The following PDZD2 variants were observed in gnomAD, a reference collection of about 807,000 sequenced individuals.
PDZD2 encodes PDZ domain-containing protein 2.
A neutral mutation model predicts 220.7 loss-of-function variants in PDZD2; 90 were observed. The ratio of observed to expected loss-of-function variants is 0.41; its 90% CI spans 0.34 to 0.49. PDZD2 has a LOEUF of 0.49. Among genes scored for constraint, PDZD2 ranks in the 20% least tolerant of loss-of-function variants. The pLI, the probability that PDZD2 is intolerant of heterozygous loss-of-function variation, is 0.28. For synonymous variants in PDZD2, 1,375 were observed against 1,450.5 expected (o/e 0.95, Z 1.18); for missense variants, 3,174 against 3,608.5 (o/e 0.88, Z 3.08).
chr5:31,903,637 C>A (rs1389385708), intron 2 of PDZD2, among the ~76,000 whole-genome samples: 2 of 113,638 alleles, frequency 1.8e-5, no homozygotes, highest in Non-Finnish European at 1.8e-5. Context: ...AGAGTGAGAC[C>A]CTGTCTCAAA....
intron 20 of PDZD2, 25 bp from the exon 21 acceptor site, chr5:32,092,882 C>T: frequency 8.5e-7 from 1 of 1,177,138 alleles, no homozygotes; most frequent in Non-Finnish European, 1.2e-6. Context: ...CTTTAATGTT[C>T]TTCAAATATA....
chr5:31,864,107 A>G (rs1036624670), intron 2 of PDZD2, among the ~76,000 whole-genome samples: 1 of 152,136 alleles, frequency 6.6e-6, no homozygotes, highest in Non-Finnish European at 1.5e-5. Context: ...AGGGGATCAG[A>G]GGAGGAGGAA....
chr5:31,732,891 G>A (rs777910913), intron 1 of PDZD2, among the ~76,000 whole-genome samples: 23 of 152,050 alleles, frequency 1.5e-4, no homozygotes, highest in East Asian at 3.9e-4. Context: ...ACCACGCTCC[G>A]CTAATTTTTG....
At chr5:31,883,764 G>A (rs1029423563) in intron 2 of PDZD2, among the ~76,000 whole-genome samples, 1 of 151,966 alleles carries the variant, frequency 6.6e-6, no homozygotes, top group Non-Finnish European at 1.5e-5. Context: ...ACCATGCGGG[G>A]CTAATTTTTG....
At chr5:32,022,185 G>GTTTTTTTTTT (rs145876120) in intron 6 of PDZD2, among the ~76,000 whole-genome samples, 18 of 135,636 alleles carry the variant, frequency 1.3e-4, no homozygotes, top group South Asian at 6.8e-4. Flanking sequence ...TTGTTTTTTT[G>GTTTTTTTTTT]TTTTTTTGTT....
rs571579067 is a variant in PDZD2 at position 31,901,307 on chromosome 5, A to C, written c.477-81848A>C. ...GTGGCATGTGCCTGTAATCCCACCT[A>C]CCCAGGAGGCTGAGGCGCAAGAATC... On this transcript the variant is annotated intron_variant, in intron 2 of 24. Coordinates refer to ENST00000438447, the MANE Select transcript of PDZD2 (RefSeq NM_178140.4). Among the ~76,000 whole-genome samples the C allele has an allele frequency of 5.3e-5, 8 of 152,024 alleles. No homozygotes were observed. The South Asian group carries it at 1.7e-3, about 32-fold the overall frequency.
intron 7 of PDZD2, among the ~76,000 whole-genome samples, chr5:32,040,177 C>T (rs1455084406): frequency 2.7e-5 from 4 of 150,464 alleles, no homozygotes; most frequent in African/African-American, 9.8e-5. Flanking sequence ...CCGGCTGCCC[C>T]ATCTGGGAGA....
intron 2 of PDZD2, among the ~76,000 whole-genome samples, chr5:31,978,397 G>A (rs557752936): frequency 1.3e-5 from 2 of 152,134 alleles, no homozygotes; most frequent in African/African-American, 2.4e-5. Flanking sequence ...TGGAGAATGC[G>A]GAGGCCTCAT....
intron 1 of PDZD2, among the ~76,000 whole-genome samples, chr5:31,670,663 C>T (rs967540384): frequency 1.3e-5 from 2 of 152,066 alleles, no homozygotes; most frequent in Non-Finnish European, 2.9e-5. Context: ...CCTCGTGATC[C>T]GCCCGCCTCA....
At chr5:31,829,954 A>G (rs1756463396) in intron 2 of PDZD2, among the ~76,000 whole-genome samples, 1 of 151,940 alleles carries the variant, frequency 6.6e-6, no homozygotes, top group Admixed American at 6.6e-5. Context: ...AGGCTGAGGC[A>G]AGAGGGTCGC....
At chr5:31,860,942 C>T (rs371834632) in intron 2 of PDZD2, among the ~76,000 whole-genome samples, 2 of 152,168 alleles carry the variant, frequency 1.3e-5, no homozygotes, top group East Asian at 1.9e-4. Flanking sequence ...GCATTGTTCT[C>T]TGAGATGATT....
At chr5:31,911,381 G>A (rs1581058714) in intron 2 of PDZD2, among the ~76,000 whole-genome samples, 2 of 152,356 alleles carry the variant, frequency 1.3e-5, no homozygotes, top group Middle Eastern at 6.8e-3. Flanking sequence ...GTAGAGTTGA[G>A]ACTCACCCTT....
intron 1 of PDZD2, among the ~76,000 whole-genome samples, chr5:31,683,207 T>TAA (rs35467814): frequency 0.33 from 42,108 of 128,624 alleles, 7,681 homozygotes; most frequent in East Asian, 0.55. Flanking sequence ...ATCAGAATGT[T>TAA]AAAAAAAAAA....
At chr5:32,055,171 A>G (rs546804213) in intron 10 of PDZD2, among the ~76,000 whole-genome samples, 1 of 152,122 alleles carries the variant, frequency 6.6e-6, no homozygotes, top group Non-Finnish European at 1.5e-5. Flanking sequence ...GAAGTTCTGA[A>G]CACACACACA....
chr5:31,744,723 G>A (rs1282196466), intron 1 of PDZD2, among the ~76,000 whole-genome samples: 6 of 152,146 alleles, frequency 3.9e-5, no homozygotes, highest in Admixed American at 3.3e-4. Flanking sequence ...AGGTTTTAGT[G>A]AACAACTGAA....
chr5:31,685,288 TA>T (rs200399727), intron 1 of PDZD2, among the ~76,000 whole-genome samples: 8,120 of 150,104 alleles, frequency 0.054, 288 homozygotes, highest in South Asian at 0.093. Context: ...TAATTTGAAG[TA>T]AAAAAAAAAT....
intron 1 of PDZD2, among the ~76,000 whole-genome samples, chr5:31,655,215 C>T (rs1745501286): frequency 6.6e-6 from 1 of 152,208 alleles, no homozygotes; most frequent in South Asian, 2.1e-4. Flanking sequence ...CTCTGTCACC[C>T]AGGCTGGAGT....
At position 32,109,313 on chromosome 5, in the gene PDZD2, C is replaced by CTGTT. The variant is rs772915080; in HGVS notation, c.*1180_*1183dup. 3.3e-5 allele frequency: 5 copies of CTGTT among 151,982 alleles called. No homozygotes were observed. Among genetic ancestry groups the CTGTT allele is most frequent in the East Asian group, 3.9e-4 (2 of 5,188 alleles). 9.4% of individuals were successfully genotyped at this position (151,982 alleles called of 1,614,324 possible). On this transcript the variant is annotated 3_prime_UTR_variant, in exon 25 of 25. Coordinates refer to ENST00000438447, the MANE Select transcript of PDZD2 (RefSeq NM_178140.4). ...ACAACTGCAGTGACTTAAGTTTTTG[C>CTGTT]TGTTTTCGTTTTCCCGCTTTGCAAT...
At chr5:31,830,350 G>A (rs71627329) in intron 2 of PDZD2, among the ~76,000 whole-genome samples, 1 of 91,432 alleles carries the variant, frequency 1.1e-5, no homozygotes, top group Admixed American at 1.2e-4. Flanking sequence ...TTTTTTTTTT[G>A]TATTTTTAGT....
Sources: gnomAD v4.1 joint callset for allele counts (sites outside exome capture counted in the v4.1 genomes callset) on GRCh38, gnomAD v4.1.1 for gene constraint, MANE v1.5 for transcripts, NCBI Gene and HGNC (gene_info 2026-07-23, HGNC 2026-07-21) for gene names.